The following GABRB2 variants were observed in gnomAD, a reference collection of about 807,000 sequenced individuals.
The protein encoded by GABRB2 is gamma-aminobutyric acid receptor subunit beta-2.
In GABRB2, 16 loss-of-function variants were observed where a neutral mutation model predicts 54.7. The ratio of observed to expected loss-of-function variants is 0.29; its 90% CI spans 0.20 to 0.44. The LOEUF (loss-of-function observed/expected upper bound fraction) is 0.44. Among genes scored for constraint, GABRB2 ranks in the 20% least tolerant of loss-of-function variants. The pLI is 1.00. For synonymous variants in GABRB2, 244 were observed against 233.8 expected (o/e 1.04, Z -0.40); for missense variants, 355 against 644.0 (o/e 0.55, Z 4.86).
In GABRB2 at chr5:161,486,422, G is replaced by A. The variant is rs572564761; in HGVS notation, c.238-26578C>T. 9.2e-4 allele frequency among the ~76,000 whole-genome samples: 140 copies of A among 152,000 alleles called. 1 individual carries two copies. The highest frequency in any genetic ancestry group is 1.2e-3 in the South Asian group (6 of 4,802). ...TCTTGCCCATTGACTCTAAATTCCTGGAAAATGCGCACTGTAAGGCACGTT... is the reference window on the plus strand; with the variant it reads ...TCTTGCCCATTGACTCTAAATTCCTAGAAAATGCGCACTGTAAGGCACGTT... On this transcript the variant is annotated intron_variant, in intron 3 of 9. Coordinates refer to ENST00000393959, the MANE Select transcript of GABRB2 (RefSeq NM_001371727.1).
chr5:161,293,366 C>T lies in GABRB2; in HGVS notation c.*715G>A, dbSNP rs1757287399. 1 of 152,152 alleles carries T rather than the reference C, an allele frequency of 6.6e-6. No individual in the cohort carries two copies. The highest frequency in any genetic ancestry group is 1.5e-5 in the Non-Finnish European group (1 of 68,054). The allele number at this position is 152,152 out of a possible 1,614,324, so 9.4% of individuals were successfully genotyped here. A position where few individuals can be genotyped will look rare whatever the true frequency, so the allele number is the denominator to read the frequency against. On this transcript the variant is annotated 3_prime_UTR_variant, in exon 10 of 10. Coordinates refer to ENST00000393959, the MANE Select transcript of GABRB2 (RefSeq NM_001371727.1). ...CTGTGTTGTTAACTCTTACTTTAAC[C>T]ACCTAGGAAATAGCCGTTTAGCAAA...
intron 3 of GABRB2, among the ~76,000 whole-genome samples, chr5:161,486,312 A>G (rs1322677616): frequency 6.6e-6 from 1 of 151,900 alleles, no homozygotes; most frequent in Non-Finnish European, 1.5e-5. Context: ...TAAAATTAAT[A>G]AGACAGCATT....
At chr5:161,472,033 C>T (rs987341851) in intron 3 of GABRB2, among the ~76,000 whole-genome samples, 28 of 151,672 alleles carry the variant, frequency 1.8e-4, no homozygotes, top group African/African-American at 4.4e-4. Context: ...TTAACCTTCC[C>T]GAGACACCAT....
intron 5 of GABRB2, among the ~76,000 whole-genome samples, chr5:161,368,379 T>C (rs1180077970): frequency 6.6e-6 from 1 of 152,128 alleles, no homozygotes; most frequent in Non-Finnish European, 1.5e-5. Flanking sequence ...TATTACAGCT[T>C]AGGGGATGGA....
intron 3 of GABRB2, among the ~76,000 whole-genome samples, chr5:161,530,160 A>G (rs1760411858): frequency 6.6e-6 from 1 of 152,114 alleles, no homozygotes; most frequent in South Asian, 2.1e-4. Context: ...ACAAAACAGG[A>G]AACCCAGAGC....
chr5:161,347,193 G>A (rs1754342725), intron 5 of GABRB2, among the ~76,000 whole-genome samples: 1 of 151,982 alleles, frequency 6.6e-6, no homozygotes, highest in Non-Finnish European at 1.5e-5. Context: ...TCATCTAATC[G>A]TTAATAGAAT....
intron 3 of GABRB2, among the ~76,000 whole-genome samples, chr5:161,544,848 T>C (rs1480842364): frequency 6.6e-6 from 1 of 152,110 alleles, no homozygotes; most frequent in Non-Finnish European, 1.5e-5. Flanking sequence ...TATTCTCCAT[T>C]AAATGTCAAA....
chr5:161,421,768 A>G (rs1756860944), intron 4 of GABRB2, among the ~76,000 whole-genome samples: 1 of 152,190 alleles, frequency 6.6e-6, no homozygotes, highest in Admixed American at 6.5e-5. Flanking sequence ...AAAACGAGTC[A>G]GTGACCAATG....
At chr5:161,418,604 G>A (rs1651143066) in intron 4 of GABRB2, among the ~76,000 whole-genome samples, 1 of 152,098 alleles carries the variant, frequency 6.6e-6, no homozygotes, top group South Asian at 2.1e-4. Flanking sequence ...TATAGACTAA[G>A]ACTTCAAAAG....
At chr5:161,397,121 C>A (rs922459795) in intron 5 of GABRB2, among the ~76,000 whole-genome samples, 8 of 152,258 alleles carry the variant, frequency 5.3e-5, no homozygotes, top group South Asian at 2.1e-4. Flanking sequence ...TCTTCACAAT[C>A]AAAAAATTTT....
intron 4 of GABRB2, among the ~76,000 whole-genome samples, chr5:161,445,459 C>A (rs1486935740): frequency 6.6e-6 from 1 of 151,676 alleles, no homozygotes; most frequent in African/African-American, 2.4e-5. Context: ...TCCCTCCTCT[C>A]AGCAAGGACA....
chr5:161,292,787 G>A lies in GABRB2; in HGVS notation c.*1294C>T, dbSNP rs1308394855. ...GTTCATACTCCTTGAAGTATTATTT[G>A]CTTTGAAAAATACAATGGTGAATTT... On this transcript the variant is annotated 3_prime_UTR_variant, in exon 10 of 10. Coordinates refer to ENST00000393959, the MANE Select transcript of GABRB2 (RefSeq NM_001371727.1). The A allele has an allele frequency of 6.6e-6, 1 of 152,026 alleles. No individual in the cohort carries two copies. Among genetic ancestry groups the A allele is most frequent in the East Asian group, 1.9e-4 (1 of 5,196 alleles). 9.4% of individuals were successfully genotyped at this position (152,026 alleles called of 1,614,324 possible). A position where few individuals can be genotyped will look rare whatever the true frequency, so the allele number is the denominator to read the frequency against.
intron 5 of GABRB2, among the ~76,000 whole-genome samples, chr5:161,378,398 GT>G (rs1336657691): frequency 6.6e-6 from 1 of 152,068 alleles, no homozygotes; most frequent in East Asian, 1.9e-4. Context: ...TATCAATTTT[GT>G]TTTCCTACAA....
chr5:161,511,951 T>A (rs1759783706), intron 3 of GABRB2, among the ~76,000 whole-genome samples: 1 of 152,044 alleles, frequency 6.6e-6, no homozygotes, highest in South Asian at 2.1e-4. Context: ...CTTTAAAATA[T>A]GAATTTGAGT....
At chr5:161,513,157 G>A (rs1270488634) in intron 3 of GABRB2, among the ~76,000 whole-genome samples, 1 of 151,950 alleles carries the variant, frequency 6.6e-6, no homozygotes, top group Non-Finnish European at 1.5e-5. Context: ...AACCACTGTG[G>A]AAAGCAGTTT....
At chr5:161,525,901 T>C (rs1373831281) in intron 3 of GABRB2, among the ~76,000 whole-genome samples, 1 of 151,248 alleles carries the variant, frequency 6.6e-6, no homozygotes, top group Admixed American at 6.6e-5. Context: ...TATATGTGTG[T>C]AGAGGTGAGT....
At chr5:161,505,476 A>C (rs774782622) in intron 3 of GABRB2, among the ~76,000 whole-genome samples, 18 of 152,182 alleles carry the variant, frequency 1.2e-4, no homozygotes, top group Non-Finnish European at 2.1e-4. Context: ...TGAAACCAGG[A>C]AAAGATATTA....
chr5:161,420,881 C>A (rs1756827348), intron 4 of GABRB2, among the ~76,000 whole-genome samples: 1 of 152,146 alleles, frequency 6.6e-6, no homozygotes, highest in Non-Finnish European at 1.5e-5. Context: ...AATTAGAACT[C>A]TTCCATTCCT....
intron 3 of GABRB2, among the ~76,000 whole-genome samples, chr5:161,487,893 A>G (rs190366666): frequency 5.9e-4 from 90 of 151,964 alleles, no homozygotes; most frequent in Non-Finnish European, 8.0e-4. Context: ...AGTTCGAAGA[A>G]GAGTTTGGCA....
Sources: allele counts gnomAD v4.1 joint callset (sites outside exome capture counted in the v4.1 genomes callset), GRCh38; gene constraint gnomAD v4.1.1; transcripts MANE v1.5; gene names NCBI Gene and HGNC (gene_info 2026-07-23, HGNC 2026-07-21).